The following SIK3 variants were observed in gnomAD, a reference collection of about 807,000 sequenced individuals.
SIK3 encodes serine/threonine-protein kinase SIK3.
Under a neutral mutation model 144.2 loss-of-function variants are expected in SIK3, and 28 were observed. That is an observed-to-expected ratio of 0.19 (90% CI 0.14 to 0.27). The LOEUF (loss-of-function observed/expected upper bound fraction) is 0.27. SIK3 is among the 10% of genes least tolerant of loss of function. The pLI is 1.00. For missense variants in SIK3, 1,319 were observed against 1,776.0 expected, an observed-to-expected ratio of 0.74 and a Z score of 4.62; for synonymous variants, 686 against 676.3, an observed-to-expected ratio of 1.01 and a Z score of -0.22.
At chr11:116,944,557 C>T (rs1948483634) in intron 3 of SIK3, among the ~76,000 whole-genome samples, 1 of 152,154 alleles carries the variant, frequency 6.6e-6, no homozygotes, top group Non-Finnish European at 1.5e-5. Flanking sequence ...CTGCTCTGTA[C>T]ACAATGTAAC....
intron 3 of SIK3, among the ~76,000 whole-genome samples, chr11:116,930,295 A>G (rs1947528767): frequency 6.6e-6 from 1 of 152,048 alleles, no homozygotes; most frequent in African/African-American, 2.4e-5. Context: ...CTGTAAACCT[A>G]CGAGGTCTAG....
At position 116,862,247 on chromosome 11, in the gene SIK3, T is replaced by C. The variant is rs377384244; in HGVS notation, c.2184A>G (p.Leu728=). 2.0e-5 allele frequency: 33 copies of C among 1,614,104 alleles called. No homozygotes were observed. Among genetic ancestry groups the C allele is most frequent in the African/African-American group, 1.1e-4 (8 of 74,926 alleles). ...TTTGATGGTGCTGCTCCTGCTGGTA[T>C]AACATATGCTGCTGCTGGGTCTTCT... is the stretch of plus-strand genomic sequence containing the variant. ...TLEKTQQQHM[L]YQQEQHHQIL... is the part of the protein sequence containing the mutation. Residue 728 remains leucine (L), a synonymous_variant, in exon 17 of 25, where the codon TTA becomes TTG. Coordinates refer to ENST00000445177, the MANE Select transcript of SIK3 (RefSeq NM_001366686.3).
chr11:117,055,900 C>T (rs1484886813), intron 1 of SIK3, among the ~76,000 whole-genome samples: 1 of 152,220 alleles, frequency 6.6e-6, no homozygotes, highest in Non-Finnish European at 1.5e-5. Flanking sequence ...GTCTAAGAAG[C>T]AGAGACCAAA....
chr11:116,966,781 C>T (rs1949563464), intron 1 of SIK3, among the ~76,000 whole-genome samples: 1 of 151,262 alleles, frequency 6.6e-6, no homozygotes, highest in African/African-American at 2.4e-5. Flanking sequence ...GGGCGGACTG[C>T]CTGGGGTCAG....
intron 1 of SIK3, among the ~76,000 whole-genome samples, chr11:117,080,178 T>C (rs1204692195): frequency 1.3e-5 from 2 of 152,102 alleles, no homozygotes; most frequent in Non-Finnish European, 2.9e-5. Flanking sequence ...AATAAGTAAC[T>C]ACAAATAATA....
At chr11:116,920,707 C>T (rs1232565833) in intron 4 of SIK3, among the ~76,000 whole-genome samples, 3 of 152,104 alleles carry the variant, frequency 2.0e-5, no homozygotes, top group African/African-American at 7.2e-5. Flanking sequence ...GTCCTCAATA[C>T]AATATTTATG....
Position 116,996,200 on chromosome 11 carries a change from C to T in SIK3, c.274-39136G>A, listed in dbSNP as rs575703735. On this transcript the variant is annotated intron_variant, in intron 1 of 24. Transcript: ENST00000445177. ...GTGTGTGCCTATAATCCCAGCTATTCGGGAGGCTGAGGCATGAGAATCGCT... is the reference window on the plus strand; with the variant it reads ...GTGTGTGCCTATAATCCCAGCTATTTGGGAGGCTGAGGCATGAGAATCGCT... Among the ~76,000 whole-genome samples, 803 of 151,910 alleles carry T rather than the reference C, an allele frequency of 5.3e-3. 8 individuals carry two copies. Among genetic ancestry groups the T allele is most frequent in the African/African-American group, 0.018 (758 of 41,404 alleles).
chr11:117,044,853 A>G (rs1952890094), intron 1 of SIK3, among the ~76,000 whole-genome samples: 1 of 152,182 alleles, frequency 6.6e-6, no homozygotes, highest in Non-Finnish European at 1.5e-5. Context: ...ACTGCACTCC[A>G]GCCTGGGCAA....
chr11:116,965,136 T>A (rs2135435204), intron 1 of SIK3, among the ~76,000 whole-genome samples: 1 of 152,256 alleles, frequency 6.6e-6, no homozygotes, highest in South Asian at 2.1e-4. Context: ...TACTTGAAAT[T>A]CAAGATATAG....
intron 1 of SIK3, among the ~76,000 whole-genome samples, chr11:116,974,775 G>A (rs1210398022): frequency 6.6e-6 from 1 of 152,128 alleles, no homozygotes; most frequent in African/African-American, 2.4e-5. Context: ...AAGTCACAGG[G>A]TATTAAGTTT....
chr11:116,872,941 C>T (rs1944041649), intron 13 of SIK3, among the ~76,000 whole-genome samples: 2 of 152,290 alleles, frequency 1.3e-5, no homozygotes, highest in South Asian at 4.1e-4. Flanking sequence ...AAAAAAATCT[C>T]TGAATGTGAC....
At chr11:117,000,677 T>A (rs1950817279) in intron 1 of SIK3, among the ~76,000 whole-genome samples, 1 of 152,164 alleles carries the variant, frequency 6.6e-6, no homozygotes, top group Non-Finnish European at 1.5e-5. Flanking sequence ...AGGTTCAAGA[T>A]TTTCTCTAAC....
intron 3 of SIK3, among the ~76,000 whole-genome samples, chr11:116,938,930 T>C (rs1384777016): frequency 6.6e-6 from 1 of 152,134 alleles, no homozygotes; most frequent in Non-Finnish European, 1.5e-5. Context: ...TGTTACAAAA[T>C]AGAAAACCAA....
At chr11:116,859,233 A>G (rs1943166217) in intron 20 of SIK3, 32 bp downstream of exon 20, 1 of 1,573,082 alleles carries the variant, frequency 6.4e-7, no homozygotes, top group East Asian at 2.3e-5. Context: ...GATCCCATGC[A>G]TAGATGGCTG....
intron 1 of SIK3, among the ~76,000 whole-genome samples, chr11:117,055,915 C>A (rs138355187): frequency 2.2e-4 from 33 of 152,290 alleles, no homozygotes; most frequent in African/African-American, 7.5e-4. Flanking sequence ...ACCAAATCCC[C>A]ATCAATGAAC....
At chr11:116,851,929 A>G (rs753457847) in intron 21 of SIK3, among the ~76,000 whole-genome samples, 6 of 152,144 alleles carry the variant, frequency 3.9e-5, no homozygotes, top group African/African-American at 4.8e-5. Flanking sequence ...TCAAAAACCT[A>G]TATTGTCTTC....
intron 1 of SIK3, among the ~76,000 whole-genome samples, chr11:117,095,492 G>GA (rs1038579927): frequency 9.9e-5 from 15 of 151,974 alleles, no homozygotes; most frequent in Admixed American, 6.6e-4. Context: ...TGCATGGGGA[G>GA]AAAAAAAATC....
At chr11:116,869,960 G>A in intron 14 of SIK3, 1 of 523,376 alleles carries the variant, frequency 1.9e-6, no homozygotes, top group Non-Finnish European at 3.1e-6. Flanking sequence ...TAGGATCACT[G>A]TCATCCCACA....
At chr11:116,941,118 T>G (rs1003285227) in intron 3 of SIK3, among the ~76,000 whole-genome samples, 3 of 152,256 alleles carry the variant, frequency 2.0e-5, no homozygotes, top group African/African-American at 7.2e-5. Context: ...GCCATTTTCC[T>G]GCCTCAGCCT....
Sources: gnomAD v4.1 joint callset for allele counts (sites outside exome capture counted in the v4.1 genomes callset) on GRCh38, gnomAD v4.1.1 for gene constraint, MANE v1.5 for transcripts, NCBI Gene and HGNC (gene_info 2026-07-23, HGNC 2026-07-21) for gene names.